FADS3: variants seen among roughly 807,000 people sequenced by gnomAD.
FADS3 encodes the protein fatty acid desaturase 3, also known as cytochrome b5-related protein.
Under a neutral mutation model 60.4 loss-of-function variants are expected in FADS3, and 30 were observed. That is an observed-to-expected ratio of 0.50 (90% CI 0.37 to 0.67). The LOEUF (loss-of-function observed/expected upper bound fraction) is 0.67. FADS3 is among the 30% of genes least tolerant of loss of function. FADS3 has a pLI of 0.00. For missense variants in FADS3, 432 were observed against 598.3 expected, an observed-to-expected ratio of 0.72 and a Z score of 2.90; for synonymous variants, 234 against 249.3, an observed-to-expected ratio of 0.94 and a Z score of 0.58.
Position 61,883,454 on chromosome 11 carries a change from C to T in FADS3, c.214-3303G>A, listed in dbSNP as rs76996928. ...TCCTTTGAAACTCCCCAGACACACACGCACATGCAGACACACCCACCAGCC... is the reference window on the plus strand; with the variant it reads ...TCCTTTGAAACTCCCCAGACACACATGCACATGCAGACACACCCACCAGCC... On this transcript the variant is annotated intron_variant, in intron 1 of 11. Coordinates refer to ENST00000278829, the MANE Select transcript of FADS3 (RefSeq NM_021727.5). 0.016 allele frequency among the ~76,000 whole-genome samples: 2,396 copies of T among 152,296 alleles called. 381 individuals are homozygous for T. The East Asian group carries it at 0.35, about 22-fold the overall frequency.
chr11:61,876,811 G>A lies in FADS3; in HGVS notation c.983+55C>T. 7.5e-7 allele frequency: 1 copy of A among 1,333,960 alleles called. No individual in the cohort carries two copies. The allele number at this position is 1,333,960 out of a possible 1,614,324, so 82.6% of individuals were successfully genotyped here. A position where few individuals can be genotyped will look rare whatever the true frequency, so the allele number is the denominator to read the frequency against. On this transcript the variant is annotated intron_variant, in intron 8 of 11. Transcript: ENST00000278829. The surrounding 1 kb of genome is among the most constrained non-coding windows in gnomAD (Gnocchi z 5.7). ...GGGAAAAGGGAAGCTCTGGTGGGGGGCTGCAGTGGGGGTCACCTGTCGCCT... is the reference window on the plus strand; with the variant it reads ...GGGAAAAGGGAAGCTCTGGTGGGGGACTGCAGTGGGGGTCACCTGTCGCCT...
intron 1 of FADS3, among the ~76,000 whole-genome samples, chr11:61,883,740 C>A (rs1332258527): frequency 6.6e-6 from 1 of 152,226 alleles, no homozygotes; most frequent in African/African-American, 2.4e-5. Context: ...TCCTCGCCTC[C>A]TTTCCCGTTG....
chr11:61,888,556 T>C (rs1396178455), intron 1 of FADS3, among the ~76,000 whole-genome samples: 1 of 152,226 alleles, frequency 6.6e-6, no homozygotes, highest in Non-Finnish European at 1.5e-5. Flanking sequence ...AGAGACAGCC[T>C]AAAGTGTCCC....
intron 11 of FADS3, among the ~76,000 whole-genome samples, chr11:61,874,754 G>A (rs546522138): frequency 6.6e-5 from 10 of 152,132 alleles, no homozygotes; most frequent in Admixed American, 1.3e-4. Flanking sequence ...CTGCTCACAC[G>A]TCAGCCTGTC....
chr11:61,883,048 G>A (rs11230821), intron 1 of FADS3, among the ~76,000 whole-genome samples: 21,109 of 152,180 alleles, frequency 0.14, 4,739 homozygotes, highest in African/African-American at 0.47. Flanking sequence ...AAAAATTGTA[G>A]TAAAATATAC....
At position 61,877,902 on chromosome 11, in the gene FADS3, G is replaced by A. The variant is rs1024932725; in HGVS notation, c.808+253C>T. On this transcript the variant is annotated intron_variant, in intron 6 of 11. Coordinates refer to ENST00000278829, the MANE Select transcript of FADS3 (RefSeq NM_021727.5). The surrounding 1 kb of genome is among the most constrained non-coding windows in gnomAD (Gnocchi z 4.7). ...GAGGGCAAGAAGAAATTCTACGTGGGGCTTGGGGAAGCTCCCAGCAGGGCT... is the reference window on the plus strand; with the variant it reads ...GAGGGCAAGAAGAAATTCTACGTGGAGCTTGGGGAAGCTCCCAGCAGGGCT... 6 of 595,524 alleles carry A rather than the reference G, an allele frequency of 1.0e-5. No homozygotes were observed. In the South Asian group the frequency reaches 1.2e-4, roughly 12 times the overall value. The allele number at this position is 595,524 out of a possible 1,614,324, so 36.9% of individuals were successfully genotyped here. A position where few individuals can be genotyped will look rare whatever the true frequency, so the allele number is the denominator to read the frequency against.
chr11:61,880,010 G>A (rs760148251), intron 2 of FADS3, 31 bp downstream of exon 2: 2 of 1,561,312 alleles, frequency 1.3e-6, no homozygotes, highest in Non-Finnish European at 1.8e-6. Context: ...CCTCCCTCAG[G>A]GGCTGAGCCT....
chr11:61,884,623 C>T (rs1938247256), intron 1 of FADS3, among the ~76,000 whole-genome samples: 2 of 152,134 alleles, frequency 1.3e-5, no homozygotes, highest in South Asian at 4.1e-4. Flanking sequence ...GGAGCCTGGG[C>T]TGGGGGGCAG....
At position 61,891,275 on chromosome 11, in the gene FADS3, T is replaced by C; in HGVS notation, c.107A>G (p.Asp36Gly). 1 of 1,538,614 alleles carries C rather than the reference T, an allele frequency of 6.5e-7. No homozygotes were observed. Among genetic ancestry groups the C allele is most frequent in the Non-Finnish European group, 8.7e-7 (1 of 1,146,078 alleles). The change falls in exon 1 of 12, where the codon GAC (aspartate) becomes GGC (glycine). Residue 36 changes from aspartate to glycine, a missense_variant. Asp to Gly is a moderately conservative substitution (Grantham distance 94). Transcript: ENST00000278829. Reference sequence around the variant, plus strand: ...GCGGCGCTCGATGACCAGCCACTTGTCGCCGGGCTGGTCGTGCGCGCGGAT... The same window carrying C: ...GCGGCGCTCGATGACCAGCCACTTGCCGCCGGGCTGGTCGTGCGCGCGGAT... ...EQIRAHDQPGDKWLVIERRVY... is the reference protein window; with the variant it reads ...EQIRAHDQPGGKWLVIERRVY...
chr11:61,875,715 G>C, intron 11 of FADS3, 136 bp downstream of exon 11: 1 of 1,048,926 alleles, frequency 9.5e-7, no homozygotes. Context: ...TGAAGGCTGG[G>C]GAAGGGAGGA....
Position 61,876,590 on chromosome 11 carries a change from G to A in FADS3, c.984-135C>T, listed in dbSNP as rs1326893121. The A allele has an allele frequency of 1.1e-5, 8 of 747,166 alleles. No individual in the cohort carries two copies. In the Admixed American group the frequency reaches 1.2e-4, roughly 11 times the overall value. The allele number at this position is 747,166 out of a possible 1,614,324, so 46.3% of individuals were successfully genotyped here. ...ATAGGATTGTGGCCATCGCCCCCTTGCCAGTGTTTAAAGAATCTGAATGGA... is the reference window on the plus strand; with the variant it reads ...ATAGGATTGTGGCCATCGCCCCCTTACCAGTGTTTAAAGAATCTGAATGGA... On this transcript the variant is annotated intron_variant, in intron 8 of 11. Transcript: ENST00000278829. This position sits in a 1 kb window ranked among gnomAD's most constrained non-coding sequence, Gnocchi z 5.7.
rs2135991857 is a variant in FADS3 at position 61,877,310 on chromosome 11, C to CA, written c.885+200dup. The CA allele has an allele frequency of 3.5e-6, 1 of 288,148 alleles. No individual in the cohort carries two copies. Among genetic ancestry groups the CA allele is most frequent in the Non-Finnish European group, 6.6e-6 (1 of 150,792 alleles). The allele number at this position is 288,148 out of a possible 1,614,324, so 17.8% of individuals were successfully genotyped here. A position where few individuals can be genotyped will look rare whatever the true frequency, so the allele number is the denominator to read the frequency against. On this transcript the variant is annotated intron_variant, in intron 7 of 11. Coordinates refer to ENST00000278829, the MANE Select transcript of FADS3 (RefSeq NM_021727.5). The surrounding 1 kb of genome is among the most constrained non-coding windows in gnomAD (Gnocchi z 4.7). The stretch of plus-strand genomic sequence containing the variant: ...CCCCCCCTGTTCCTCAACCCCCCCC[C>CA]ACCACACGTACAGTCACGGGCACAC...
Position 61,877,759 on chromosome 11 carries a change from C to G in FADS3, c.809-172G>C. 1.6e-6 allele frequency: 1 copy of G among 640,586 alleles called. No homozygotes were observed. The highest frequency in any genetic ancestry group is 4.0e-4 in the Middle Eastern group (1 of 2,486). 39.7% of individuals were successfully genotyped at this position (640,586 alleles called of 1,614,324 possible). A position where few individuals can be genotyped will look rare whatever the true frequency, so the allele number is the denominator to read the frequency against. ...AATTCTGTGTCCAAGCCTCCCCAGG[C>G]TGCCCTTACCCCACCACCTCCCACC... On this transcript the variant is annotated intron_variant, in intron 6 of 11. Coordinates refer to ENST00000278829, the MANE Select transcript of FADS3 (RefSeq NM_021727.5). The surrounding 1 kb of genome is among the most constrained non-coding windows in gnomAD (Gnocchi z 4.7).
chr11:61,891,263 A>G lies in FADS3; in HGVS notation c.119T>C (p.Val40Ala). The change falls in exon 1 of 12, where the codon GTC becomes GCC. Residue 40 changes from valine (V) to alanine (A), a missense_variant. Transcript: ENST00000278829. ...AHDQPGDKWL[V>A]IERRVYDISR... ...GATGTCGTAGACGCGGCGCTCGATG[A>G]CCAGCCACTTGTCGCCGGGCTGGTC... 3 of 1,541,528 alleles carry G rather than the reference A, an allele frequency of 1.9e-6. No homozygotes were observed. Among genetic ancestry groups the G allele is most frequent in the Non-Finnish European group, 2.6e-6 (3 of 1,146,844 alleles).
intron 1 of FADS3, among the ~76,000 whole-genome samples, chr11:61,887,981 G>A (rs1016068841): frequency 2.6e-5 from 4 of 152,180 alleles, no homozygotes; most frequent in African/African-American, 9.7e-5. Context: ...TAAAAGAGAG[G>A]GTTTCAATAA....
At chr11:61,881,457 T>C (rs947760780) in intron 1 of FADS3, 6 of 152,244 alleles carry the variant, frequency 3.9e-5, no homozygotes, top group Admixed American at 2.0e-4. Context: ...ATTTTTTTCC[T>C]TGTACTTTCA....
chr11:61,873,891 G>T, intron 11 of FADS3, 26 bp from the exon 12 acceptor site: 8 of 1,525,916 alleles, frequency 5.2e-6, no homozygotes, highest in Admixed American at 3.5e-5. Flanking sequence ...GGCAGTGGGG[G>T]TGGGTGTTAG....
Position 61,877,398 on chromosome 11 carries a change from C to T in FADS3, c.885+113G>A, listed in dbSNP as rs1444187793. ...GTTGCACGCATACATGTGAGCCACA[C>T]TGTTGCACGCACATGTGCACCCTGT... On this transcript the variant is annotated intron_variant, in intron 7 of 11. Coordinates refer to ENST00000278829, the MANE Select transcript of FADS3 (RefSeq NM_021727.5). This position sits in a 1 kb window ranked among gnomAD's most constrained non-coding sequence, Gnocchi z 4.7. The T allele has an allele frequency of 2.1e-6, 2 of 959,602 alleles. No homozygotes were observed. The highest frequency in any genetic ancestry group is 1.6e-5 in the African/African-American group (1 of 62,498). 59.4% of individuals were successfully genotyped at this position (959,602 alleles called of 1,614,324 possible). A position where few individuals can be genotyped will look rare whatever the true frequency, so the allele number is the denominator to read the frequency against.
chr11:61,875,870 C>T lies in FADS3; in HGVS notation c.1267G>A (p.Ala423Thr), dbSNP rs1291657467. The T allele has an allele frequency of 6.8e-6, 11 of 1,613,428 alleles. No individual in the cohort carries two copies. Among genetic ancestry groups the T allele is most frequent in the East Asian group, 2.2e-5 (1 of 44,864 alleles). Residue 423 changes from alanine to threonine, a missense_variant, in exon 11 of 12, where the codon GCG (alanine) becomes ACG (threonine). Coordinates refer to ENST00000278829, the MANE Select transcript of FADS3 (RefSeq NM_021727.5). The stretch of plus-strand genomic sequence containing the variant: ...CCTCACCTGACGATGTCCACCAGCG[C>T]GGTGAGGAAGGGCTTCACTTCGTAG... Reference protein sequence around the residue: ...LSYEVKPFLTALVDIVRSLKK... With the variant: ...LSYEVKPFLTTLVDIVRSLKK...
Sources: gnomAD v4.1 joint callset for allele counts (sites outside exome capture counted in the v4.1 genomes callset) on GRCh38, gnomAD v4.1.1 for gene constraint, Gnocchi (gnomAD v3.1) non-coding constraint, MANE v1.5 for transcripts, NCBI Gene and HGNC (gene_info 2026-07-23, HGNC 2026-07-21) for gene names.